The following ADGRV1 variants were observed in gnomAD, a reference collection of about 807,000 sequenced individuals.
ADGRV1 encodes adhesion G protein-coupled receptor V1.
A neutral mutation model predicts 596.2 loss-of-function variants in ADGRV1; 359 were observed. The observed-to-expected ratio is 0.60, with a 90% CI of 0.55 to 0.66. ADGRV1 has a LOEUF of 0.66. ADGRV1 is among the 30% of genes least tolerant of loss of function. The pLI is 0.00. For missense variants in ADGRV1, 7,274 were observed against 7,575.6 expected, an observed-to-expected ratio of 0.96 and a Z score of 1.48; for synonymous variants, 2,681 against 2,679.2, an observed-to-expected ratio of 1.00 and a Z score of -0.02.
At chr5:91,086,338 T>C (rs1299325971) in intron 86 of ADGRV1, among the ~76,000 whole-genome samples, 1 of 152,190 alleles carries the variant, frequency 6.6e-6, no homozygotes, top group African/African-American at 2.4e-5. Flanking sequence ...TGTACAGATA[T>C]TGTCATCAAC....
chr5:90,937,528 G>A (rs1351935600), intron 83 of ADGRV1, among the ~76,000 whole-genome samples: 2 of 148,870 alleles, frequency 1.3e-5, no homozygotes, highest in African/African-American at 5.0e-5. Flanking sequence ...CGTGATCGCG[G>A]CTCACTGCAA....
intron 61 of ADGRV1, 38 bp from the exon 62 acceptor site, chr5:90,777,867 C>T: frequency 6.7e-7 from 1 of 1,493,704 alleles, no homozygotes; most frequent in South Asian, 1.4e-5. Context: ...GTACCTTCAA[C>T]TGAAATGTAT....
chr5:90,734,668 C>G (rs942097448), intron 50 of ADGRV1, among the ~76,000 whole-genome samples: 2 of 150,062 alleles, frequency 1.3e-5, no homozygotes, highest in Non-Finnish European at 2.9e-5. Flanking sequence ...TCACTGCAAC[C>G]TCTGCCTCCC....
chr5:90,579,650 C>T (rs1182417228), intron 1 of ADGRV1, among the ~76,000 whole-genome samples: 1 of 152,126 alleles, frequency 6.6e-6, no homozygotes, highest in African/African-American at 2.4e-5. Flanking sequence ...AGTTCATGTC[C>T]TGGATATCCT....
At chr5:91,025,941 C>T (rs922046277) in intron 85 of ADGRV1, among the ~76,000 whole-genome samples, 2 of 152,110 alleles carry the variant, frequency 1.3e-5, no homozygotes, top group African/African-American at 4.8e-5. Context: ...CAGTTTATTG[C>T]TGAGATAATA....
chr5:90,642,890 C>G lies in ADGRV1; in HGVS notation c.2402C>G (p.Ser801Ter). Residue 801 changes from serine to a stop codon, truncating the protein, a stop_gained, in exon 13 of 90, where the codon TCA (serine) becomes TGA (stop). Coordinates refer to ENST00000405460, the MANE Select transcript of ADGRV1 (RefSeq NM_032119.4). LOFTEE classifies it high-confidence loss of function. Reference sequence around the variant, plus strand: ...TCTGTAGAGCTCCACATCATCCGATCAAGGGGGTCCCTTGTTAAGCAGTTT... The same window carrying G: ...TCTGTAGAGCTCCACATCATCCGATGAAGGGGGTCCCTTGTTAAGCAGTTT... ...GESVELHIIR[S>*]RGSLVKQFLH... 6.2e-7 allele frequency: 1 copy of G among 1,610,626 alleles called. No homozygotes were observed. Among genetic ancestry groups the G allele is most frequent in the African/African-American group, 1.3e-5 (1 of 74,908 alleles).
At chr5:90,666,278 C>G (rs1771364619) in intron 21 of ADGRV1, among the ~76,000 whole-genome samples, 1 of 152,068 alleles carries the variant, frequency 6.6e-6, no homozygotes, top group African/African-American at 2.4e-5. Flanking sequence ...TCAGGACTTG[C>G]TTTTTGAATG....
intron 74 of ADGRV1, among the ~76,000 whole-genome samples, chr5:90,811,735 T>C (rs1762455125): frequency 6.6e-6 from 1 of 152,126 alleles, no homozygotes; most frequent in Non-Finnish European, 1.5e-5. Flanking sequence ...TTCTTTTTTT[T>C]TTTTTTCTGT....
chr5:90,791,635 A>G, intron 70 of ADGRV1: 2 of 348,540 alleles, frequency 5.7e-6, no homozygotes, highest in East Asian at 5.5e-5. Context: ...ACACCTGCAC[A>G]CCCATGGACA....
chr5:91,153,008 T>C (rs1796185088), intron 88 of ADGRV1, among the ~76,000 whole-genome samples: 1 of 152,124 alleles, frequency 6.6e-6, no homozygotes, highest in African/African-American at 2.4e-5. Flanking sequence ...TGAGCCCAGG[T>C]GTTTGAGACC....
chr5:90,848,586 T>A (rs1176349924), intron 78 of ADGRV1, 51 bp from the exon 79 acceptor site: 4 of 1,071,634 alleles, frequency 3.7e-6, no homozygotes, highest in Non-Finnish European at 5.1e-6. Context: ...GCATATAATT[T>A]AAGAAATTTA....
intron 85 of ADGRV1, among the ~76,000 whole-genome samples, chr5:91,066,766 C>A (rs1312035238): frequency 2.0e-5 from 3 of 152,210 alleles, no homozygotes; most frequent in Non-Finnish European, 4.4e-5. Context: ...AGGTAGTACA[C>A]AAGGCAGGCA....
At chr5:90,898,926 A>G (rs1771576520) in intron 83 of ADGRV1, among the ~76,000 whole-genome samples, 1 of 152,158 alleles carries the variant, frequency 6.6e-6, no homozygotes, top group Non-Finnish European at 1.5e-5. Flanking sequence ...AGCCTGGGAA[A>G]TAGAGTGAGA....
At chr5:90,879,866 G>A (rs944004185) in intron 83 of ADGRV1, among the ~76,000 whole-genome samples, 12 of 152,106 alleles carry the variant, frequency 7.9e-5, no homozygotes, top group Middle Eastern at 6.8e-3. Flanking sequence ...AGAATCAATC[G>A]CTTGAACCTA....
intron 85 of ADGRV1, among the ~76,000 whole-genome samples, chr5:91,010,229 A>T (rs529725909): frequency 6.6e-6 from 1 of 152,208 alleles, no homozygotes; most frequent in South Asian, 2.1e-4. Context: ...ATAAATAATG[A>T]GCTAATTCAC....
rs1251839466 is a variant in ADGRV1, at chr5:90,778,994, G to A, written c.12979G>A (p.Gly4327Arg). Residue 4327 changes from glycine (G) to arginine (R), a missense_variant, in exon 64 of 90, where the codon GGG (glycine) becomes AGG (arginine). Physicochemically the swap from Gly to Arg is moderately radical, Grantham distance 125. Around this residue, in one of 5 missense-constraint regions of ADGRV1, gnomAD observed 3,643 missense variants for 3,809.2 expected, o/e 0.96. Coordinates refer to ENST00000405460, the MANE Select transcript of ADGRV1 (RefSeq NM_032119.4). ...PAAGELLFEAGEMRKSLHVEI... is the reference protein window; with the variant it reads ...PAAGELLFEAREMRKSLHVEI... The stretch of plus-strand genomic sequence containing the variant: ...AGCAGGGGAGCTCCTCTTTGAAGCA[G>A]GGGAGATGAGGAAAAGTCTGCATGT... 39 of 1,613,308 alleles carry A rather than the reference G, an allele frequency of 2.4e-5. No homozygotes were observed. The highest frequency in any genetic ancestry group is 3.2e-5 in the Non-Finnish European group (38 of 1,179,506).
At chr5:91,040,813 AG>A (rs761302916) in intron 85 of ADGRV1, among the ~76,000 whole-genome samples, 1 of 152,216 alleles carries the variant, frequency 6.6e-6, no homozygotes, top group African/African-American at 2.4e-5. Context: ...TAATATTATA[AG>A]TTATACTGAA....
chr5:90,570,821 T>C (rs1374570325), intron 1 of ADGRV1, among the ~76,000 whole-genome samples: 2 of 152,142 alleles, frequency 1.3e-5, no homozygotes, highest in African/African-American at 2.4e-5. Flanking sequence ...AAATCATTTT[T>C]ATACTTTTTA....
intron 83 of ADGRV1, among the ~76,000 whole-genome samples, chr5:90,927,923 T>G (rs1774694358): frequency 1.3e-5 from 2 of 152,346 alleles, no homozygotes; most frequent in African/African-American, 4.8e-5. Context: ...AATTCTGGGT[T>G]GAAAATTCTT....
Sources: gnomAD v4.1 joint callset for allele counts (sites outside exome capture counted in the v4.1 genomes callset) on GRCh38, gnomAD v4.1.1 for gene constraint, gnomAD v4.1.1 regional missense constraint, MANE v1.5 for transcripts, NCBI Gene and HGNC (gene_info 2026-07-23, HGNC 2026-07-21) for gene names.